NR5A2: variants seen among roughly 807,000 people sequenced by gnomAD.
The protein encoded by NR5A2 is CYP7A promoter-binding factor.
NR5A2 carries 26 observed loss-of-function variants against 62.7 expected under a neutral mutation model. The observed-to-expected ratio is 0.41, with a 90% confidence interval of 0.30 to 0.58. NR5A2 has a LOEUF of 0.58. Ranked by LOEUF, NR5A2 falls within the 20% of genes least tolerant of loss-of-function variation. NR5A2 has a pLI of 0.22. For missense variants in NR5A2, 541 were observed against 669.1 expected (o/e 0.81, Z 2.11); for synonymous variants, 246 against 241.7 (o/e 1.02, Z -0.16).
At chr1:200,076,413 T>C (rs917529993) in intron 5 of NR5A2, among the ~76,000 whole-genome samples, 7 of 152,110 alleles carry the variant, frequency 4.6e-5, no homozygotes, top group African/African-American at 1.7e-4. Context: ...ATGAAATTGT[T>C]TGTGGATGGA....
At chr1:200,052,478 G>A (rs1662682734) in intron 5 of NR5A2, among the ~76,000 whole-genome samples, 2 of 152,008 alleles carry the variant, frequency 1.3e-5, no homozygotes, top group African/African-American at 2.4e-5. Flanking sequence ...GAGCCATTGT[G>A]CCTGTTTTAT....
chr1:200,111,946 T>C (rs1228804034), intron 6 of NR5A2, among the ~76,000 whole-genome samples: 8 of 152,134 alleles, frequency 5.3e-5, no homozygotes, highest in Non-Finnish European at 1.2e-4. Flanking sequence ...CTTTGGTGTA[T>C]ATTAGTGAAC....
intron 7 of NR5A2, among the ~76,000 whole-genome samples, chr1:200,150,235 G>T (rs1366632728): frequency 6.6e-6 from 1 of 152,212 alleles, no homozygotes; most frequent in African/African-American, 2.4e-5. Context: ...AAACCATCTT[G>T]TGTCATCCTT....
intron 4 of NR5A2, among the ~76,000 whole-genome samples, chr1:200,046,252 C>T (rs976924252): frequency 2.6e-5 from 4 of 152,134 alleles, no homozygotes; most frequent in Non-Finnish European, 4.4e-5. Flanking sequence ...AAAAGCCACA[C>T]TTGAACTTTG....
In NR5A2 at chr1:200,088,248, AT is replaced by A. The variant is rs574713195; in HGVS notation, c.1111-22952del. Among the ~76,000 whole-genome samples, 631 of 145,662 alleles carry A rather than the reference AT, an allele frequency of 4.3e-3. 5 individuals carry two copies. The highest frequency in any genetic ancestry group is 0.015 in the African/African-American group (601 of 39,368). On this transcript the variant is annotated intron_variant, in intron 5 of 7. Coordinates refer to ENST00000367362, the MANE Select transcript of NR5A2 (RefSeq NM_205860.3). Reference sequence around the variant, plus strand: ...TTGTTGTTTTTGTTTTTGTTTTTTTATTGAAACAATAAAAAACTCCTCTCCA... The same window carrying A: ...TTGTTGTTTTTGTTTTTGTTTTTTTATGAAACAATAAAAAACTCCTCTCCA...
chr1:200,043,676 A>G lies in NR5A2; in HGVS notation c.203-98A>G, dbSNP rs922655979. 6.4e-5 allele frequency: 42 copies of G among 656,768 alleles called. No homozygotes were observed. In the East Asian group the frequency reaches 1.0e-3, roughly 16 times the overall value. The allele number at this position is 656,768 out of a possible 1,614,324, so 40.7% of individuals were successfully genotyped here. On this transcript the variant is annotated intron_variant, in intron 2 of 7. Transcript: ENST00000367362. ...TTTTTATTTTATATTTTACCATGTGATATTTGCCCAGCAATCACCAAAATG... is the reference window on the plus strand; with the variant it reads ...TTTTTATTTTATATTTTACCATGTGGTATTTGCCCAGCAATCACCAAAATG...
chr1:200,113,360 A>G (rs1053402818), intron 6 of NR5A2, among the ~76,000 whole-genome samples: 2 of 152,160 alleles, frequency 1.3e-5, no homozygotes, highest in African/African-American at 4.8e-5. Context: ...CCTAGTAATG[A>G]TTAATTGTAA....
intron 7 of NR5A2, among the ~76,000 whole-genome samples, chr1:200,167,296 A>G (rs12079265): frequency 0.39 from 59,547 of 152,030 alleles, 13,982 homozygotes; most frequent in African/African-American, 0.67. Context: ...TCTTGGTGAC[A>G]GCCACCACCT....
At chr1:200,065,150 T>C (rs1663409340) in intron 5 of NR5A2, among the ~76,000 whole-genome samples, 1 of 151,896 alleles carries the variant, frequency 6.6e-6, no homozygotes, top group Admixed American at 6.6e-5. Context: ...TTAGTTTTAA[T>C]TTTTTTATTG....
At chr1:200,095,366 A>G (rs1200858942) in intron 5 of NR5A2, among the ~76,000 whole-genome samples, 2 of 152,170 alleles carry the variant, frequency 1.3e-5, no homozygotes, top group African/African-American at 2.4e-5. Flanking sequence ...TGAGAAATGC[A>G]TAGGCACTTC....
At chr1:200,133,558 CACACATATAT>C (rs1667073127) in intron 7 of NR5A2, among the ~76,000 whole-genome samples, 1 of 103,108 alleles carries the variant, frequency 9.7e-6, no homozygotes, top group Non-Finnish European at 2.0e-5. Context: ...CACATATATA[CACACATATAT>C]ATATACACAT....
chr1:200,052,883 G>A (rs558138729), intron 5 of NR5A2, among the ~76,000 whole-genome samples: 7 of 152,106 alleles, frequency 4.6e-5, no homozygotes, highest in South Asian at 2.1e-4. Context: ...CTTGCGATCC[G>A]CCCGCCTTGG....
chr1:200,034,946 AGGGCGGGTGGAGCCTACGGGCGT>A (rs1661707428), intron 1 of NR5A2, among the ~76,000 whole-genome samples: 1 of 151,134 alleles, frequency 6.6e-6, no homozygotes, highest in Admixed American at 6.6e-5. Context: ...GCTCGGGATG[AGGGCGGGTGGAGCCTACGGGCGT>A]GGGCGGGTAG....
intron 4 of NR5A2, among the ~76,000 whole-genome samples, chr1:200,046,902 A>G (rs1362563344): frequency 1.3e-5 from 2 of 152,208 alleles, no homozygotes; most frequent in Non-Finnish European, 2.9e-5. Flanking sequence ...CACAATTGTA[A>G]ATCACTTGTG....
intron 5 of NR5A2, among the ~76,000 whole-genome samples, chr1:200,054,902 C>CTT (rs774540556): frequency 1.4e-5 from 2 of 146,328 alleles, no homozygotes; most frequent in Non-Finnish European, 3.0e-5. Context: ...CTTAGTCCTA[C>CTT]TTTTTTTTTT....
chr1:200,033,997 C>T (rs1196131972), intron 1 of NR5A2, among the ~76,000 whole-genome samples: 1 of 152,218 alleles, frequency 6.6e-6, no homozygotes, highest in Admixed American at 6.5e-5. Context: ...GATCCATCCC[C>T]TCGCTGCAAA....
At chr1:200,120,497 C>A (rs1666432013) in intron 6 of NR5A2, among the ~76,000 whole-genome samples, 1 of 152,186 alleles carries the variant, frequency 6.6e-6, no homozygotes, top group South Asian at 2.1e-4. Context: ...CATAGTAATT[C>A]TGATGCATTT....
intron 1 of NR5A2, among the ~76,000 whole-genome samples, chr1:200,034,814 T>TTA (rs1558094010): frequency 9.8e-6 from 1 of 101,718 alleles, no homozygotes; most frequent in Non-Finnish European, 2.0e-5. Flanking sequence ...TTTTTTTTTT[T>TTA]AAACAAGGCA....
chr1:200,073,821 G>A (rs1663870831), intron 5 of NR5A2, among the ~76,000 whole-genome samples: 1 of 152,098 alleles, frequency 6.6e-6, no homozygotes, highest in South Asian at 2.1e-4. Context: ...GCAGGGATAC[G>A]AAGTCGGTTA....
Sources: allele counts gnomAD v4.1 joint callset (sites outside exome capture counted in the v4.1 genomes callset), GRCh38; gene constraint gnomAD v4.1.1; transcripts MANE v1.5; gene names NCBI Gene and HGNC (gene_info 2026-07-23, HGNC 2026-07-21).